The following PIGL variants were observed in gnomAD, a reference collection of about 807,000 sequenced individuals.
PIGL encodes N-acetylglucosaminyl-phosphatidylinositol de-N-acetylase.
In PIGL, 22 loss-of-function variants were observed where a neutral mutation model predicts 31.1. The ratio of observed to expected loss-of-function variants is 0.71; its 90% CI spans 0.51 to 1.01. The LOEUF (loss-of-function observed/expected upper bound fraction) is 1.01. Among genes scored for constraint, PIGL ranks in the 50% least tolerant of loss-of-function variants. The pLI, the probability that PIGL is intolerant of heterozygous loss-of-function variation, is 0.00. For missense variants in PIGL, 302 were observed against 315.9 expected (o/e 0.96, Z 0.33); for synonymous variants, 131 against 117.4 (o/e 1.12, Z -0.75).
chr17:16,316,074 C>G (rs1016092616), intron 4 of PIGL, among the ~76,000 whole-genome samples: 1 of 152,164 alleles, frequency 6.6e-6, no homozygotes, highest in Admixed American at 6.5e-5. Context: ...CTCAACTTCT[C>G]TTGTTTAACC....
chr17:16,303,713 A>AT (rs35504589), intron 3 of PIGL, among the ~76,000 whole-genome samples: 38 of 135,792 alleles, frequency 2.8e-4, no homozygotes, highest in African/African-American at 5.3e-4. Flanking sequence ...TCATTTTTGT[A>AT]TTTTTTTTTT....
chr17:16,256,963 C>A (rs1297664676), intron 2 of PIGL, among the ~76,000 whole-genome samples: 1 of 152,106 alleles, frequency 6.6e-6, no homozygotes, highest in African/African-American at 2.4e-5. Context: ...GCTAGGATTG[C>A]AGGCGTGAGC....
intron 2 of PIGL, among the ~76,000 whole-genome samples, chr17:16,295,766 A>G (rs577635200): frequency 1.5e-4 from 23 of 151,202 alleles, no homozygotes; most frequent in African/African-American, 5.4e-4. Flanking sequence ...ATATGGTGAA[A>G]CCCTGTCTCT....
chr17:16,237,805 C>CAAAAAAAAA (rs57265734), intron 2 of PIGL, among the ~76,000 whole-genome samples: 1 of 101,754 alleles, frequency 9.8e-6, no homozygotes, highest in African/African-American at 3.6e-5. Context: ...GTCTCAAAAG[C>CAAAAAAAAA]AAAAAAAAAA....
chr17:16,271,192 C>G (rs10852834), intron 2 of PIGL, among the ~76,000 whole-genome samples: 63,270 of 151,958 alleles, frequency 0.42, 14,002 homozygotes, highest in Middle Eastern at 0.53. Flanking sequence ...TTCATTATGT[C>G]TCTTAAAGCT....
Position 16,285,462 on chromosome 17 carries a change from G to A in PIGL, c.336-14426G>A, listed in dbSNP as rs138510675. On this transcript the variant is annotated intron_variant, in intron 2 of 6. Coordinates refer to ENST00000225609, the MANE Select transcript of PIGL (RefSeq NM_004278.4). ...TAGCCAGGCGCGGTGGCAGGTGCCT[G>A]TAATCCCAGCTACTGGGGATGCTGA... Among the ~76,000 whole-genome samples, 1,310 of 152,282 alleles carry A rather than the reference G, an allele frequency of 8.6e-3. 24 individuals carry two copies. Among genetic ancestry groups the A allele is most frequent in the African/African-American group, 0.03 (1,263 of 41,542 alleles).
At chr17:16,264,453 A>G (rs2092833045) in intron 2 of PIGL, among the ~76,000 whole-genome samples, 1 of 151,918 alleles carries the variant, frequency 6.6e-6, no homozygotes, top group Admixed American at 6.6e-5. Flanking sequence ...GCCTATATAA[A>G]TTGACTCTTA....
At chr17:16,258,103 A>AGAG (rs2092803342) in intron 2 of PIGL, among the ~76,000 whole-genome samples, 29 of 65,684 alleles carry the variant, frequency 4.4e-4, no homozygotes, top group Middle Eastern at 9.8e-3. Context: ...GAGAGAGAGA[A>AGAG]AGAGAGAGAG....
chr17:16,263,095 G>T (rs935892878), intron 2 of PIGL, among the ~76,000 whole-genome samples: 1 of 5,954 alleles, frequency 1.7e-4, no homozygotes, highest in East Asian at 9.3e-3. Context: ...GGTTTATTTG[G>T]GGGGGGGGGA....
At chr17:16,271,479 T>TTTA (rs1248268296) in intron 2 of PIGL, among the ~76,000 whole-genome samples, 2 of 152,196 alleles carry the variant, frequency 1.3e-5, no homozygotes, top group African/African-American at 4.8e-5. Flanking sequence ...TAAATTTTAG[T>TTTA]TTCAGATAAA....
chr17:16,284,672 G>A (rs1159108924), intron 2 of PIGL, among the ~76,000 whole-genome samples: 2 of 152,034 alleles, frequency 1.3e-5, no homozygotes, highest in African/African-American at 2.4e-5. Context: ...AGCACACGAG[G>A]ACAGCTTCAA....
intron 2 of PIGL, among the ~76,000 whole-genome samples, chr17:16,276,304 T>C (rs2092895121): frequency 6.6e-6 from 1 of 152,222 alleles, no homozygotes; most frequent in South Asian, 2.1e-4. Flanking sequence ...GTGCCCAGAA[T>C]TAGAATATTG....
chr17:16,312,090 C>G (rs2093053734), intron 3 of PIGL, among the ~76,000 whole-genome samples: 1 of 141,042 alleles, frequency 7.1e-6, no homozygotes, highest in African/African-American at 2.9e-5. Context: ...TGGGGGCTGC[C>G]CCCCCACCTC....
chr17:16,312,076 C>T (rs1281399374), intron 3 of PIGL, among the ~76,000 whole-genome samples: 2 of 144,096 alleles, frequency 1.4e-5, no homozygotes, highest in Non-Finnish European at 3.0e-5. Context: ...GGTGGCTGGC[C>T]GGGTGGGGGC....
At position 16,249,579 on chromosome 17, in the gene PIGL, A is replaced by G. The variant is rs145818135; in HGVS notation, c.335+15509A>G. Among the ~76,000 whole-genome samples, 43 of 152,352 alleles carry G rather than the reference A, an allele frequency of 2.8e-4. No individual in the cohort carries two copies. In the East Asian group the frequency reaches 6.2e-3, roughly 22 times the overall value. On this transcript the variant is annotated intron_variant, in intron 2 of 6. Transcript: ENST00000225609. ...GTGATTATGGAGGCTGAGAAGTCCC[A>G]CAACAGGCCATCTGCAAGCTGGATG...
intron 2 of PIGL, among the ~76,000 whole-genome samples, chr17:16,264,083 G>C (rs988875819): frequency 1.4e-5 from 2 of 147,044 alleles, no homozygotes; most frequent in African/African-American, 5.1e-5. Context: ...CGTGATCTTG[G>C]CTCACTGCAA....
In PIGL at chr17:16,246,415, C is replaced by T. The variant is rs187778248; in HGVS notation, c.335+12345C>T. On this transcript the variant is annotated intron_variant, in intron 2 of 6. Coordinates refer to ENST00000225609, the MANE Select transcript of PIGL (RefSeq NM_004278.4). ...TAGTCCCAGCTACTTGGGAGGCTGACGCAGGAGAATCGCTTGAACCCGGGA... is the reference window on the plus strand; with the variant it reads ...TAGTCCCAGCTACTTGGGAGGCTGATGCAGGAGAATCGCTTGAACCCGGGA... Among the ~76,000 whole-genome samples the T allele has an allele frequency of 3.6e-3, 550 of 150,764 alleles. 9 individuals carry two copies. The highest frequency in any genetic ancestry group is 0.029 in the East Asian group (140 of 4,834).
intron 2 of PIGL, among the ~76,000 whole-genome samples, chr17:16,262,352 T>C (rs751922397): frequency 9.9e-5 from 15 of 152,152 alleles, no homozygotes; most frequent in Non-Finnish European, 1.8e-4. Flanking sequence ...AAGTCATTAG[T>C]GGAATGCAAA....
At chr17:16,256,073 G>A (rs1382752001) in intron 2 of PIGL, among the ~76,000 whole-genome samples, 1 of 152,148 alleles carries the variant, frequency 6.6e-6, no homozygotes, top group Non-Finnish European at 1.5e-5. Flanking sequence ...TGCATTTGGA[G>A]CTAATACCAC....
Sources: gnomAD v4.1 joint callset for allele counts (sites outside exome capture counted in the v4.1 genomes callset) on GRCh38, gnomAD v4.1.1 for gene constraint, MANE v1.5 for transcripts, NCBI Gene and HGNC (gene_info 2026-07-23, HGNC 2026-07-21) for gene names.